The following PRKD1 variants were observed in gnomAD, a reference collection of about 807,000 sequenced individuals.
PRKD1 encodes the protein protein kinase D1.
Under a neutral mutation model 95.9 loss-of-function variants are expected in PRKD1, and 63 were observed. That is an observed-to-expected ratio of 0.66 (90% CI 0.54 to 0.81). The LOEUF (loss-of-function observed/expected upper bound fraction) is 0.81. Ranked by LOEUF, PRKD1 falls within the 30% of genes least tolerant of loss-of-function variation. The pLI, the probability that PRKD1 is intolerant of heterozygous loss-of-function variation, is 0.00. For synonymous variants in PRKD1, 425 were observed against 423.1 expected (o/e 1.00, Z -0.05); for missense variants, 1,048 against 1,165.3 (o/e 0.90, Z 1.47).
At chr14:29,763,385 A>G (rs1312209342) in intron 1 of PRKD1, among the ~76,000 whole-genome samples, 1 of 115,848 alleles carries the variant, frequency 8.6e-6, no homozygotes, top group African/African-American at 3.2e-5. Context: ...GAAGGAAGGA[A>G]GGAGGGAGAG....
chr14:29,890,182 A>T (rs970469247), intron 1 of PRKD1, among the ~76,000 whole-genome samples: 2 of 152,238 alleles, frequency 1.3e-5, no homozygotes, highest in Non-Finnish European at 1.5e-5. Context: ...CCTGAGATAA[A>T]GCAAAGAACT....
At chr14:29,663,381 A>G (rs1404856189) in intron 4 of PRKD1, among the ~76,000 whole-genome samples, 1 of 152,036 alleles carries the variant, frequency 6.6e-6, no homozygotes, top group Non-Finnish European at 1.5e-5. Context: ...AACATTTTGT[A>G]TCTCTCTGGT....
intron 1 of PRKD1, among the ~76,000 whole-genome samples, chr14:29,842,737 T>C (rs1891905028): frequency 6.6e-6 from 1 of 152,162 alleles, no homozygotes; most frequent in Non-Finnish European, 1.5e-5. Flanking sequence ...AGTTGACACA[T>C]GTTAGCCTCC....
chr14:29,648,230 TA>T (rs1881257395), intron 4 of PRKD1, among the ~76,000 whole-genome samples: 1 of 152,294 alleles, frequency 6.6e-6, no homozygotes, highest in Middle Eastern at 3.4e-3. Context: ...ATCAATTCTT[TA>T]ACTTTTCTAC....
intron 1 of PRKD1, among the ~76,000 whole-genome samples, chr14:29,780,674 C>G (rs540914238): frequency 6.6e-6 from 1 of 152,292 alleles, no homozygotes; most frequent in South Asian, 2.1e-4. Flanking sequence ...AATAAGAACA[C>G]TTTTACATTG....
At chr14:29,729,294 A>G (rs572825816) in intron 1 of PRKD1, among the ~76,000 whole-genome samples, 9 of 152,228 alleles carry the variant, frequency 5.9e-5, no homozygotes, top group Middle Eastern at 3.4e-3. Flanking sequence ...TGCTGAAGCC[A>G]TGTTAAGCCC....
chr14:29,706,681 T>C (rs1885107791), intron 2 of PRKD1, among the ~76,000 whole-genome samples: 1 of 152,188 alleles, frequency 6.6e-6, no homozygotes, highest in Non-Finnish European at 1.5e-5. Context: ...GTATCTCATA[T>C]AATCTTTACC....
chr14:29,896,365 TACAC>T (rs71443337), intron 1 of PRKD1, among the ~76,000 whole-genome samples: 4 of 147,918 alleles, frequency 2.7e-5, no homozygotes, highest in Admixed American at 2.0e-4. Flanking sequence ...CATGTGTGTG[TACAC>T]ACACACACAC....
At chr14:29,691,904 TA>T (rs901180550) in intron 2 of PRKD1, among the ~76,000 whole-genome samples, 2 of 151,852 alleles carry the variant, frequency 1.3e-5, no homozygotes, top group East Asian at 1.9e-4. Flanking sequence ...TTATGGTAGC[TA>T]AAAAAAAGGA....
intron 1 of PRKD1, among the ~76,000 whole-genome samples, chr14:29,892,302 G>A (rs1007881358): frequency 2.0e-5 from 3 of 152,004 alleles, no homozygotes; most frequent in African/African-American, 7.2e-5. Context: ...CCGTTAACTG[G>A]ATTTTCCATT....
rs552127303 is a variant in PRKD1, at chr14:29,578,338, C to T, written c.2457G>A (p.Leu819=). The change falls in exon 17 of 18, where the codon TTG becomes TTA. Residue 819 remains leucine, a synonymous_variant. Coordinates refer to ENST00000331968, the MANE Select transcript of PRKD1 (RefSeq NM_002742.3). ...SHEAIDLINN[L]LQVKMRKRYS... ...AGCGCTTTCTCATTTTTACTTGCAG[C>T]AAATTGTTGATAAGATCAATGGCTG... 378 of 1,610,152 alleles carry T rather than the reference C, an allele frequency of 2.3e-4. 5 individuals are homozygous for T. In the South Asian group the frequency reaches 4.0e-3, roughly 17 times the overall value.
chr14:29,914,217 C>A (rs1470676855), intron 1 of PRKD1, among the ~76,000 whole-genome samples: 1 of 152,142 alleles, frequency 6.6e-6, no homozygotes, highest in Non-Finnish European at 1.5e-5. Flanking sequence ...TTGGCATTAG[C>A]CCTGGACACA....
chr14:29,607,804 C>T (rs748760650), intron 13 of PRKD1, among the ~76,000 whole-genome samples: 1 of 152,146 alleles, frequency 6.6e-6, no homozygotes, highest in South Asian at 2.1e-4. Flanking sequence ...TGTAAAGTTC[C>T]TTTTGCCACC....
chr14:29,750,447 A>C (rs1274467581), intron 1 of PRKD1, among the ~76,000 whole-genome samples: 2 of 152,188 alleles, frequency 1.3e-5, no homozygotes, highest in Non-Finnish European at 2.9e-5. Context: ...ATTAAATGCG[A>C]GCTATACATA....
intron 7 of PRKD1, among the ~76,000 whole-genome samples, chr14:29,635,711 C>A (rs1003017367): frequency 6.6e-6 from 1 of 152,272 alleles, no homozygotes; most frequent in Non-Finnish European, 1.5e-5. Context: ...AATGGACAGG[C>A]TATGTTCCAA....
intron 13 of PRKD1, among the ~76,000 whole-genome samples, chr14:29,620,943 T>G (rs1281191897): frequency 6.6e-6 from 1 of 151,840 alleles, no homozygotes; most frequent in Non-Finnish European, 1.5e-5. Flanking sequence ...CCAACAATGA[T>G]AGACTGGATT....
rs550655593 is a variant in PRKD1, at chr14:29,730,260, T to A, written c.265-4586A>T. 1.2e-4 allele frequency among the ~76,000 whole-genome samples: 19 copies of A among 152,132 alleles called. 1 individual carries two copies. The South Asian group carries it at 3.9e-3, about 32-fold the overall frequency. On this transcript the variant is annotated intron_variant, in intron 1 of 17. Coordinates refer to ENST00000331968, the MANE Select transcript of PRKD1 (RefSeq NM_002742.3). ...GACATATAAATGGACAACACGTATA[T>A]GAAAAATTGCTCAACATCACCATTC...
At chr14:29,819,205 G>T (rs751073760) in intron 1 of PRKD1, among the ~76,000 whole-genome samples, 10 of 152,090 alleles carry the variant, frequency 6.6e-5, no homozygotes, top group Non-Finnish European at 1.3e-4. Context: ...ATAAATGGTA[G>T]GTTAAGGTAC....
At chr14:29,677,368 T>C (rs541685280) in intron 2 of PRKD1, among the ~76,000 whole-genome samples, 5 of 152,288 alleles carry the variant, frequency 3.3e-5, no homozygotes, top group African/African-American at 9.6e-5. Context: ...AAACTAATAA[T>C]AGGGAATTTC....
Sources: gnomAD v4.1 joint callset for allele counts (sites outside exome capture counted in the v4.1 genomes callset) on GRCh38, gnomAD v4.1.1 for gene constraint, MANE v1.5 for transcripts, NCBI Gene and HGNC (gene_info 2026-07-23, HGNC 2026-07-21) for gene names.